CACNA2D1: variants seen among roughly 807,000 people sequenced by gnomAD.
CACNA2D1 encodes the protein voltage-dependent calcium channel subunit alpha-2/delta-1.
In CACNA2D1, 53 loss-of-function variants were observed where a neutral mutation model predicts 171.5. The ratio of observed to expected loss-of-function variants is 0.31; its 90% CI spans 0.25 to 0.39. CACNA2D1 has a LOEUF of 0.39. Ranked by LOEUF, CACNA2D1 falls within the 10% of genes least tolerant of loss-of-function variation. The pLI is 1.00. For synonymous variants in CACNA2D1, 442 were observed against 443.1 expected, an observed-to-expected ratio of 1.00 and a Z score of 0.03; for missense variants, 903 against 1,299.8, an observed-to-expected ratio of 0.69 and a Z score of 4.69.
intron 3 of CACNA2D1, among the ~76,000 whole-genome samples, chr7:82,323,867 A>G (rs1816302467): frequency 6.6e-6 from 1 of 152,168 alleles, no homozygotes; most frequent in Admixed American, 6.5e-5. Context: ...CTGTTGCCCC[A>G]ACCCTTTCCT....
At chr7:82,280,261 TCATGTA>T (rs1446832054) in intron 3 of CACNA2D1, among the ~76,000 whole-genome samples, 1 of 152,190 alleles carries the variant, frequency 6.6e-6, no homozygotes, top group African/African-American at 2.4e-5. Flanking sequence ...GTGTGCATGC[TCATGTA>T]CATGTACATA....
intron 3 of CACNA2D1, among the ~76,000 whole-genome samples, chr7:82,297,692 T>C (rs893293921): frequency 6.6e-6 from 1 of 152,192 alleles, no homozygotes; most frequent in Non-Finnish European, 1.5e-5. Context: ...TCTTTACCAA[T>C]ATCTGTGCCT....
At chr7:82,343,559 A>C (rs1273690923) in intron 2 of CACNA2D1, among the ~76,000 whole-genome samples, 1 of 152,194 alleles carries the variant, frequency 6.6e-6, no homozygotes, top group East Asian at 1.9e-4. Context: ...CAAAAAGTAA[A>C]TTTTAAGTTC....
chr7:82,157,785 T>C (rs1169443844), intron 4 of CACNA2D1, among the ~76,000 whole-genome samples: 1 of 152,068 alleles, frequency 6.6e-6, no homozygotes, highest in African/African-American at 2.4e-5. Flanking sequence ...TGAGTGTAAC[T>C]AATGCTCTTT....
intron 2 of CACNA2D1, chr7:82,343,025 T>C (rs1420748968): frequency 6.6e-6 from 1 of 152,150 alleles, no homozygotes; most frequent in African/African-American, 2.4e-5. Context: ...CAAACATATA[T>C]ATACACACAC....
chr7:82,292,043 A>G (rs1811708806), intron 3 of CACNA2D1, among the ~76,000 whole-genome samples: 1 of 151,806 alleles, frequency 6.6e-6, no homozygotes, highest in Non-Finnish European at 1.5e-5. Flanking sequence ...CAATTTTTCC[A>G]GTTTAGCTAG....
At chr7:82,292,479 A>G (rs1236617806) in intron 3 of CACNA2D1, among the ~76,000 whole-genome samples, 3 of 152,164 alleles carry the variant, frequency 2.0e-5, no homozygotes, top group East Asian at 1.9e-4. Context: ...GAAAAGGTGC[A>G]TCGGGAAAAC....
chr7:82,230,341 G>T (rs1802798379), intron 3 of CACNA2D1, among the ~76,000 whole-genome samples: 1 of 152,038 alleles, frequency 6.6e-6, no homozygotes, highest in African/African-American at 2.4e-5. Flanking sequence ...CCTTACTTTT[G>T]TATGTTTTCC....
chr7:82,273,388 G>A (rs1161654365), intron 3 of CACNA2D1, among the ~76,000 whole-genome samples: 1 of 151,410 alleles, frequency 6.6e-6, no homozygotes, highest in African/African-American at 2.4e-5. Flanking sequence ...TTAGTCATAG[G>A]TACTGGCATA....
At chr7:82,155,205 C>G (rs1376553739) in intron 4 of CACNA2D1, among the ~76,000 whole-genome samples, 2 of 152,088 alleles carry the variant, frequency 1.3e-5, no homozygotes, top group African/African-American at 4.8e-5. Flanking sequence ...AACCATAAGC[C>G]AGTTAAACCT....
chr7:82,249,675 C>T (rs1228826218), intron 3 of CACNA2D1, among the ~76,000 whole-genome samples: 2 of 152,206 alleles, frequency 1.3e-5, no homozygotes, highest in African/African-American at 2.4e-5. Flanking sequence ...AACCATCAAA[C>T]AATAATACTG....
At chr7:82,068,781 A>G (rs1011210040) in intron 7 of CACNA2D1, among the ~76,000 whole-genome samples, 2 of 152,168 alleles carry the variant, frequency 1.3e-5, no homozygotes, top group African/African-American at 2.4e-5. Context: ...TTATGTTTCA[A>G]TTAGATTTTT....
Position 82,413,639 on chromosome 7 carries a change from A to C in CACNA2D1, c.95+29726T>G, listed in dbSNP as rs1421408103. ...TTAATTGCAGTCAAATCCTTTGTAAAGACAAAGTAATTTAGGAAAAATATA... is the reference window on the plus strand; with the variant it reads ...TTAATTGCAGTCAAATCCTTTGTAACGACAAAGTAATTTAGGAAAAATATA... On this transcript the variant is annotated intron_variant, in intron 1 of 38. Transcript: ENST00000356860. Among the ~76,000 whole-genome samples, 15 of 152,234 alleles carry C rather than the reference A, an allele frequency of 9.9e-5. No homozygotes were observed. In the East Asian group the frequency reaches 2.9e-3, roughly 29 times the overall value.
chr7:82,134,521 A>G (rs1424920651), intron 5 of CACNA2D1, among the ~76,000 whole-genome samples: 1 of 152,202 alleles, frequency 6.6e-6, no homozygotes, highest in Non-Finnish European at 1.5e-5. Context: ...AAAGCAATTG[A>G]GTTTTCTTCA....
At chr7:82,316,761 C>A (rs1327916730) in intron 3 of CACNA2D1, among the ~76,000 whole-genome samples, 5 of 152,222 alleles carry the variant, frequency 3.3e-5, no homozygotes, top group South Asian at 2.1e-4. Context: ...ACAGGAGAAG[C>A]AAAGGCATGC....
At chr7:82,029,301 A>T (rs1802351302) in intron 12 of CACNA2D1, 1 of 151,766 alleles carries the variant, frequency 6.6e-6, no homozygotes, top group African/African-American at 2.4e-5. Flanking sequence ...TTTTTAGACA[A>T]AGTGCTATCA....
intron 10 of CACNA2D1, among the ~76,000 whole-genome samples, chr7:82,056,037 AG>A (rs1214546808): frequency 1.5e-5 from 2 of 134,316 alleles, no homozygotes; most frequent in African/African-American, 2.6e-5. Context: ...AAAAAGGCCA[AG>A]TATCAACACG....
intron 10 of CACNA2D1, among the ~76,000 whole-genome samples, chr7:82,043,973 A>C (rs747526860): frequency 1.6e-4 from 25 of 152,230 alleles, no homozygotes; most frequent in Non-Finnish European, 2.8e-4. Context: ...TCTTAAGGTC[A>C]CATATTCTAC....
chr7:82,102,912 A>G (rs1812858545), intron 6 of CACNA2D1, among the ~76,000 whole-genome samples: 1 of 152,206 alleles, frequency 6.6e-6, no homozygotes, highest in Non-Finnish European at 1.5e-5. Flanking sequence ...ACAAAACACT[A>G]AGATGTATTC....
Sources: gnomAD v4.1 joint callset for allele counts (sites outside exome capture counted in the v4.1 genomes callset) on GRCh38, gnomAD v4.1.1 for gene constraint, MANE v1.5 for transcripts, NCBI Gene and HGNC (gene_info 2026-07-23, HGNC 2026-07-21) for gene names.